TTLL5: variants seen among roughly 807,000 people sequenced by gnomAD.
The protein encoded by TTLL5 is tubulin tyrosine ligase like 5, also known as tubulin polyglutamylase TTLL5.
TTLL5 carries 132 observed loss-of-function variants against 168.4 expected under a neutral mutation model. The observed-to-expected ratio is 0.78, with a 90% CI of 0.68 to 0.91. The LOEUF is 0.91. Among genes scored for constraint, TTLL5 ranks in the 40% least tolerant of loss-of-function variants. The pLI, the probability that TTLL5 is intolerant of heterozygous loss-of-function variation, is 0.00. For missense variants in TTLL5, 1,545 were observed against 1,581.5 expected (o/e 0.98, Z 0.39); for synonymous variants, 546 against 558.6 (o/e 0.98, Z 0.32).
At chr14:75,841,338 A>T (rs754419402) in intron 28 of TTLL5, among the ~76,000 whole-genome samples, 5 of 152,140 alleles carry the variant, frequency 3.3e-5, no homozygotes, top group Non-Finnish European at 5.9e-5. Context: ...CACCCTTCAC[A>T]CCCACACAAA....
intron 18 of TTLL5, chr14:75,757,755 G>A: frequency 3.0e-6 from 4 of 1,340,030 alleles, no homozygotes; most frequent in South Asian, 3.3e-5. Flanking sequence ...AATTTCTGGA[G>A]TGCATGTGTG....
intron 29 of TTLL5, among the ~76,000 whole-genome samples, chr14:75,866,238 C>A (rs1443066787): frequency 6.6e-6 from 1 of 152,194 alleles, no homozygotes; most frequent in Non-Finnish European, 1.5e-5. Context: ...TGTGCTAGAT[C>A]TGACCATTAT....
At chr14:75,758,863 A>T (rs1037148099) in intron 18 of TTLL5, among the ~76,000 whole-genome samples, 3 of 152,202 alleles carry the variant, frequency 2.0e-5, no homozygotes, top group African/African-American at 7.2e-5. Context: ...ATGTCAAGAT[A>T]TGTACGCTAC....
In TTLL5 at chr14:75,676,677, G is replaced by A. The variant is rs1594852181; in HGVS notation, c.182-4868G>A. Among the ~76,000 whole-genome samples, 3 of 152,050 alleles carry A rather than the reference G, an allele frequency of 2.0e-5. No homozygotes were observed. The South Asian group carries it at 6.2e-4, about 32-fold the overall frequency. On this transcript the variant is annotated intron_variant, in intron 3 of 31. Coordinates refer to ENST00000298832, the MANE Select transcript of TTLL5 (RefSeq NM_015072.5). The stretch of plus-strand genomic sequence containing the variant: ...TGTCACTGCTTACTATTTATGTATT[G>A]TAAGAATCAGATTTGCCACTGAGTG...
rs763370320 is a variant in TTLL5, at chr14:75,707,015, T to G, written c.586-3T>G. The G allele has an allele frequency of 6.2e-7, 1 of 1,606,808 alleles. No homozygotes were observed. Among genetic ancestry groups the G allele is most frequent in the Non-Finnish European group, 8.5e-7 (1 of 1,175,046 alleles). On this transcript the variant is annotated splice_region_variant and splice_polypyrimidine_tract_variant and intron_variant, in intron 7 of 31. Coordinates refer to ENST00000298832, the MANE Select transcript of TTLL5 (RefSeq NM_015072.5). ...TCTTTCATTCTTTCTCTTTACTCAA[T>G]AGCCAAACCAGATCTCCCTGGAAGA...
intron 30 of TTLL5, among the ~76,000 whole-genome samples, chr14:75,895,552 T>G (rs2032614593): frequency 6.6e-6 from 1 of 152,074 alleles, no homozygotes; most frequent in Admixed American, 6.6e-5. Flanking sequence ...TGTTGGAAAT[T>G]TTAAAAAAAT....
At chr14:75,814,742 A>T (rs1894285738) in intron 27 of TTLL5, 1 of 152,216 alleles carries the variant, frequency 6.6e-6, no homozygotes, top group Admixed American at 6.5e-5. Context: ...GTCAGGTGTA[A>T]ATCTGTATAC....
At chr14:75,837,842 T>C (rs1301012014) in intron 28 of TTLL5, among the ~76,000 whole-genome samples, 1 of 152,138 alleles carries the variant, frequency 6.6e-6, no homozygotes. Flanking sequence ...TATCTAGATA[T>C]ATGTGTGTGT....
chr14:75,712,374 G>A (rs1399557584), intron 9 of TTLL5: 1 of 149,660 alleles, frequency 6.7e-6, no homozygotes, highest in East Asian at 1.9e-4. Context: ...TGGTACATTT[G>A]TAGTGAATGT....
At chr14:75,821,656 C>T (rs1426213061) in intron 28 of TTLL5, among the ~76,000 whole-genome samples, 1 of 152,096 alleles carries the variant, frequency 6.6e-6, no homozygotes, top group East Asian at 1.9e-4. Flanking sequence ...GGGTTTAGAG[C>T]TTTCTTTTGG....
chr14:75,769,810 T>C (rs557663867), intron 20 of TTLL5, among the ~76,000 whole-genome samples: 1 of 152,298 alleles, frequency 6.6e-6, no homozygotes, highest in South Asian at 2.1e-4. Flanking sequence ...GCTTATAGGA[T>C]TGATTCAGGG....
chr14:75,798,706 GATTTCATTGTTGACCCA>G (rs1893123434), intron 27 of TTLL5, among the ~76,000 whole-genome samples: 1 of 151,980 alleles, frequency 6.6e-6, no homozygotes, highest in Non-Finnish European at 1.5e-5. Context: ...TTTCCATATT[GATTTCATTGTTGACCCA>G]ATGACCATTC....
chr14:75,919,800 A>G (rs144330552), intron 31 of TTLL5, among the ~76,000 whole-genome samples: 95 of 152,260 alleles, frequency 6.2e-4, no homozygotes, highest in African/African-American at 2.2e-3. Flanking sequence ...TTTTAAAATT[A>G]TGTGCTTCAA....
intron 25 of TTLL5, 103 bp from the exon 26 acceptor site, chr14:75,783,044 G>A: frequency 1.6e-6 from 2 of 1,254,184 alleles, no homozygotes; most frequent in South Asian, 3.2e-5. Flanking sequence ...TCTGTTTCAT[G>A]CCAAGATTAT....
chr14:75,670,464 G>T (rs1230843154), intron 3 of TTLL5, among the ~76,000 whole-genome samples: 1 of 152,118 alleles, frequency 6.6e-6, no homozygotes, highest in Non-Finnish European at 1.5e-5. Context: ...AGGCCATATG[G>T]TAATTCTGTG....
chr14:75,922,310 G>A (rs996184293), intron 31 of TTLL5, among the ~76,000 whole-genome samples: 20 of 152,174 alleles, frequency 1.3e-4, no homozygotes, highest in African/African-American at 3.4e-4. Flanking sequence ...GTCTTGTGCC[G>A]GTTTTCAAAG....
chr14:75,813,969 C>T (rs1467760899), intron 27 of TTLL5, among the ~76,000 whole-genome samples: 1 of 152,172 alleles, frequency 6.6e-6, no homozygotes, highest in Non-Finnish European at 1.5e-5. Flanking sequence ...GAGAAGCCAA[C>T]TGGCCCAATG....
chr14:75,771,805 G>T lies in TTLL5; in HGVS notation c.2087G>T (p.Gly696Val), dbSNP rs771524994. ...HVQIRLMKDS[G>V]GQTFSASWAA... The stretch of plus-strand genomic sequence containing the variant: ...CAAATTCGCCTGATGAAAGACAGTG[G>T]CGGTCAGACGTTCAGTGCCAGTTGG... Residue 696 changes from glycine to valine, a missense_variant, in exon 21 of 32, where the codon GGC becomes GTC. By Grantham distance (109) the Gly-to-Val change is moderately radical. Coordinates refer to ENST00000298832, the MANE Select transcript of TTLL5 (RefSeq NM_015072.5). 8 of 1,614,092 alleles carry T rather than the reference G, an allele frequency of 5.0e-6. No homozygotes were observed. In the South Asian group the frequency reaches 5.5e-5, roughly 11 times the overall value.
In TTLL5 at chr14:75,882,814, C is replaced by T. The variant is rs148261099; in HGVS notation, c.3652C>T (p.Pro1218Ser). 5 of 1,614,018 alleles carry T rather than the reference C, an allele frequency of 3.1e-6. No individual in the cohort carries two copies. The highest frequency in any genetic ancestry group is 2.2e-5 in the South Asian group (2 of 91,082). Residue 1218 changes from proline (P) to serine (S), a missense_variant, in exon 30 of 32, where the codon CCT becomes TCT. Transcript: ENST00000298832. ...PTTLPQKVVPPPSSCASLVPK... is the reference protein window; with the variant it reads ...PTTLPQKVVPSPSSCASLVPK... ...CACTCTGCCACAAAAAGTGGTACCACCTCCAAGTTCTTGCGCCTCCCTGGT... is the reference window on the plus strand; with the variant it reads ...CACTCTGCCACAAAAAGTGGTACCATCTCCAAGTTCTTGCGCCTCCCTGGT...
Sources: gnomAD v4.1 joint callset for allele counts (sites outside exome capture counted in the v4.1 genomes callset) on GRCh38, gnomAD v4.1.1 for gene constraint, MANE v1.5 for transcripts, NCBI Gene and HGNC (gene_info 2026-07-23, HGNC 2026-07-21) for gene names.